Variants in SS18L1 observed in about 807,000 individuals in gnomAD.
SS18L1 encodes calcium-responsive transactivator.
In SS18L1, 32 loss-of-function variants were observed where a neutral mutation model predicts 70.3. That is an observed-to-expected ratio of 0.46 (90% CI 0.34 to 0.61). SS18L1 has a LOEUF of 0.61. SS18L1 is among the 20% of genes least tolerant of loss of function. The probability of loss-of-function intolerance (pLI) is 0.01; values close to 1 mark genes in which losing one functional copy is unlikely to be tolerated. For missense variants in SS18L1, 430 were observed against 542.1 expected (o/e 0.79, Z 2.05); for synonymous variants, 237 against 229.7 (o/e 1.03, Z -0.29).
chr20:62,157,441 C>G (rs917230574), intron 1 of SS18L1, among the ~76,000 whole-genome samples: 15 of 152,242 alleles, frequency 9.9e-5, no homozygotes, highest in Admixed American at 9.2e-4. Context: ...AGGTCAGAGA[C>G]AGGCTGAGCC....
rs377614957 is a variant in SS18L1 at position 62,182,282 on chromosome 20, A to C, written c.*3074A>C. Reference sequence around the variant, plus strand: ...GCACCCCTTCAAAACTGTACAAAGAAGACGACTGTTTTCCATTTCCATTTA... The same window carrying C: ...GCACCCCTTCAAAACTGTACAAAGACGACGACTGTTTTCCATTTCCATTTA... On this transcript the variant is annotated 3_prime_UTR_variant, in exon 11 of 11. Transcript: ENST00000331758. 1.3e-4 allele frequency: 29 copies of C among 217,694 alleles called. 1 individual carries two copies. The highest frequency in any genetic ancestry group is 5.5e-4 in the South Asian group (3 of 5,410). The allele number at this position is 217,694 out of a possible 1,614,324, so 13.5% of individuals were successfully genotyped here.
chr20:62,146,087 C>G (rs2057020469), intron 1 of SS18L1, among the ~76,000 whole-genome samples: 1 of 152,170 alleles, frequency 6.6e-6, no homozygotes, highest in South Asian at 2.1e-4. Flanking sequence ...CTTGTCCTTA[C>G]AGCATTCTGC....
chr20:62,161,305 T>TA lies in SS18L1; in HGVS notation c.232-130dup. ...CCTGGCTGTGACGATGGCTGCTGATTACGAACATTGACCAGGTGGCCATGA... is the reference window on the plus strand; with the variant it reads ...CCTGGCTGTGACGATGGCTGCTGATTAACGAACATTGACCAGGTGGCCATGA... On this transcript the variant is annotated intron_variant, in intron 3 of 10. Transcript: ENST00000331758. The surrounding 1 kb of genome is among the most constrained non-coding windows in gnomAD (Gnocchi z 4.4). 1.5e-6 allele frequency: 2 copies of TA among 1,313,314 alleles called. No homozygotes were observed. Among genetic ancestry groups the TA allele is most frequent in the Non-Finnish European group, 2.2e-6 (2 of 924,402 alleles). The allele number at this position is 1,313,314 out of a possible 1,614,324, so 81.4% of individuals were successfully genotyped here.
intron 1 of SS18L1, among the ~76,000 whole-genome samples, chr20:62,144,493 C>T (rs1430068149): frequency 1.3e-5 from 2 of 152,336 alleles, no homozygotes; most frequent in East Asian, 1.9e-4. Flanking sequence ...TCCCCATTTG[C>T]GGGGCATCGT....
intron 1 of SS18L1, among the ~76,000 whole-genome samples, chr20:62,146,605 A>ATTTTTTTTTGTTTTTTTTTTTTTT (rs2057032020): frequency 1.3e-5 from 1 of 79,714 alleles, no homozygotes; most frequent in Non-Finnish European, 2.2e-5. Context: ...TGCTTTGATC[A>ATTTTTTTTTGTTTTTTTTTTTTTT]TTTTTTTTTT....
intron 1 of SS18L1, among the ~76,000 whole-genome samples, chr20:62,144,091 G>A (rs188837122): frequency 1.3e-5 from 2 of 149,852 alleles, no homozygotes; most frequent in African/African-American, 4.9e-5. Context: ...GTGGGGGGCG[G>A]TCCCCGGAGA....
At chr20:62,170,391 A>T (rs2057509711) in intron 8 of SS18L1, among the ~76,000 whole-genome samples, 1 of 152,214 alleles carries the variant, frequency 6.6e-6, no homozygotes, top group African/African-American at 2.4e-5. Context: ...CTGTTGTCCC[A>T]GCTACTCAGG....
rs1489376363 is a variant in SS18L1 at position 62,179,819 on chromosome 20, G to A, written c.*611G>A. The A allele has an allele frequency of 8.7e-6, 2 of 229,438 alleles. No individual in the cohort carries two copies. Among genetic ancestry groups the A allele is most frequent in the South Asian group, 1.8e-4 (1 of 5,512 alleles). 14.2% of individuals were successfully genotyped at this position (229,438 alleles called of 1,614,324 possible). A position where few individuals can be genotyped will look rare whatever the true frequency, so the allele number is the denominator to read the frequency against. On this transcript the variant is annotated 3_prime_UTR_variant, in exon 11 of 11. Coordinates refer to ENST00000331758, the MANE Select transcript of SS18L1 (RefSeq NM_198935.3). Reference sequence around the variant, plus strand: ...GAGGCCACAGATGGCCACTTCCAGAGCTTGCCCATTGCCTGTCTCTCGCCA... The same window carrying A: ...GAGGCCACAGATGGCCACTTCCAGAACTTGCCCATTGCCTGTCTCTCGCCA...
chr20:62,165,047 G>A (rs2145751277), intron 7 of SS18L1, among the ~76,000 whole-genome samples: 1 of 152,376 alleles, frequency 6.6e-6, no homozygotes, highest in East Asian at 1.9e-4. Flanking sequence ...CTGGCCACGT[G>A]ATGGTCACAT....
Position 62,156,846 on chromosome 20 carries a change from C to T in SS18L1, c.70-1826C>T, listed in dbSNP as rs779689333. Among the ~76,000 whole-genome samples, 6 of 152,206 alleles carry T rather than the reference C, an allele frequency of 3.9e-5. No homozygotes were observed. In the East Asian group the frequency reaches 5.8e-4, roughly 15 times the overall value. On this transcript the variant is annotated intron_variant, in intron 1 of 10. Transcript: ENST00000331758. ...GGGCCTGTAGAGCTCCTGTCGGGAG[C>T]GGCCTCCTAGGGCTGAGTGACCCAG...
At chr20:62,146,226 G>C (rs967994589) in intron 1 of SS18L1, among the ~76,000 whole-genome samples, 1 of 152,308 alleles carries the variant, frequency 6.6e-6, no homozygotes, top group South Asian at 2.1e-4. Context: ...ATGCTCCGTC[G>C]GCAGTCATGT....
chr20:62,150,760 G>A (rs1318360376), intron 1 of SS18L1, among the ~76,000 whole-genome samples: 2 of 147,804 alleles, frequency 1.4e-5, no homozygotes, highest in Non-Finnish European at 3.0e-5. Context: ...TCAAGGGACA[G>A]GTGAGGTCTC....
Position 62,180,981 on chromosome 20 carries a change from T to G in SS18L1, c.*1773T>G, listed in dbSNP as rs1389855131. On this transcript the variant is annotated 3_prime_UTR_variant, in exon 11 of 11. Transcript: ENST00000331758. The stretch of plus-strand genomic sequence containing the variant: ...TGCTTTAGAATTTATAAGTCACTTA[T>G]GTGTTTTGCTTGAATTAATTCTGAC... The G allele has an allele frequency of 1.6e-5, 3 of 181,848 alleles. No homozygotes were observed. The highest frequency in any genetic ancestry group is 2.4e-5 in the African/African-American group (1 of 42,456). The allele number at this position is 181,848 out of a possible 1,614,324, so 11.3% of individuals were successfully genotyped here. A position where few individuals can be genotyped will look rare whatever the true frequency, so the allele number is the denominator to read the frequency against.
At chr20:62,177,479 C>A (rs555523957) in intron 10 of SS18L1, among the ~76,000 whole-genome samples, 1 of 152,002 alleles carries the variant, frequency 6.6e-6, no homozygotes, top group Non-Finnish European at 1.5e-5. Flanking sequence ...GTGACGTGTT[C>A]GGTCAGGCTG....
chr20:62,168,890 C>T (rs764284994), intron 8 of SS18L1, among the ~76,000 whole-genome samples: 6 of 152,168 alleles, frequency 3.9e-5, no homozygotes, highest in Non-Finnish European at 8.8e-5. Flanking sequence ...TGGAATTGTT[C>T]CTGGTGACGG....
At chr20:62,164,062 C>T (rs2057382059) in intron 6 of SS18L1, 83 bp from the exon 7 acceptor site, 8 of 1,294,534 alleles carry the variant, frequency 6.2e-6, no homozygotes, top group Non-Finnish European at 7.5e-6. Context: ...TTCAGCAAGG[C>T]CTTGGCTTCC....
rs912137660 is a variant in SS18L1 at position 62,158,619 on chromosome 20, G to A, written c.70-53G>A. ...ATGTGTAGCGATGGCTGTTCATCCC[G>A]AGGGTCAGCGACAGCCCCGCGTCGG... On this transcript the variant is annotated intron_variant, in intron 1 of 10. Transcript: ENST00000331758. The surrounding 1 kb of genome is among the most constrained non-coding windows in gnomAD (Gnocchi z 4.5). The A allele has an allele frequency of 3.8e-5, 60 of 1,597,426 alleles. No individual in the cohort carries two copies. The highest frequency in any genetic ancestry group is 4.8e-5 in the Non-Finnish European group (56 of 1,174,482).
chr20:62,172,184 TG>T (rs1015102385), intron 8 of SS18L1, among the ~76,000 whole-genome samples: 1 of 151,006 alleles, frequency 6.6e-6, no homozygotes, highest in African/African-American at 2.4e-5. Flanking sequence ...AAAAATTATC[TG>T]GGCACGCTGG....
chr20:62,172,602 C>T, intron 8 of SS18L1, 80 bp from the exon 9 acceptor site: 1 of 1,599,638 alleles, frequency 6.3e-7, no homozygotes, highest in Non-Finnish European at 8.6e-7. Flanking sequence ...TCCAAAGTTA[C>T]CGTGTCGTGA....
Sources: gnomAD v4.1 joint callset for allele counts (sites outside exome capture counted in the v4.1 genomes callset) on GRCh38, gnomAD v4.1.1 for gene constraint, Gnocchi (gnomAD v3.1) non-coding constraint, MANE v1.5 for transcripts, NCBI Gene and HGNC (gene_info 2026-07-23, HGNC 2026-07-21) for gene names.